The following OLFM4 variants were observed in gnomAD, a reference collection of about 807,000 sequenced individuals.
OLFM4 encodes the protein olfactomedin 4, also known as olfactomedin-4.
OLFM4 carries 22 observed loss-of-function variants against 25.5 expected under a neutral mutation model. The observed-to-expected ratio is 0.86, with a 90% CI of 0.62 to 1.23. The LOEUF is 1.23. Among genes scored for constraint, OLFM4 ranks in the 50% most tolerant of loss-of-function variants. The probability of loss-of-function intolerance (pLI) is 0.00; values close to 1 mark genes in which losing one functional copy is unlikely to be tolerated. For synonymous variants in OLFM4, 255 were observed against 237.7 expected, an observed-to-expected ratio of 1.07 and a Z score of -0.67; for missense variants, 594 against 619.4, an observed-to-expected ratio of 0.96 and a Z score of 0.44.
At chr13:53,041,367 A>G (rs1954685884) in intron 2 of OLFM4, among the ~76,000 whole-genome samples, 2 of 152,204 alleles carry the variant, frequency 1.3e-5, no homozygotes, top group Admixed American at 1.3e-4. Flanking sequence ...GCAAATTAAC[A>G]CAAGAACAGA....
chr13:53,040,841 C>T (rs868230334), intron 2 of OLFM4, among the ~76,000 whole-genome samples: 1 of 152,046 alleles, frequency 6.6e-6, no homozygotes, highest in African/African-American at 2.4e-5. Flanking sequence ...GAGTTAATGT[C>T]TTCAAACATT....
intron 1 of OLFM4, among the ~76,000 whole-genome samples, chr13:53,034,144 C>T (rs1333638941): frequency 6.6e-6 from 1 of 151,530 alleles, no homozygotes; most frequent in African/African-American, 2.4e-5. Context: ...TTCGTACAAC[C>T]AGTGGCGATG....
At position 53,034,009 on chromosome 13, in the gene OLFM4, A is replaced by T. The variant is rs1430552910; in HGVS notation, c.205-339A>T. On this transcript the variant is annotated intron_variant, in intron 1 of 4. Transcript: ENST00000219022. ...GAGCCGGAGCTTGCAGTGAGCCGAGATCGCGCCACTGCACTCCAGCCTGGG... is the reference window on the plus strand; with the variant it reads ...GAGCCGGAGCTTGCAGTGAGCCGAGTTCGCGCCACTGCACTCCAGCCTGGG... Among the ~76,000 whole-genome samples the T allele has an allele frequency of 4.8e-5, 7 of 146,494 alleles. 1 individual carries two copies. The South Asian group carries it at 8.7e-4, about 18-fold the overall frequency.
chr13:53,037,382 G>A (rs1593478966), intron 2 of OLFM4, among the ~76,000 whole-genome samples: 1 of 152,154 alleles, frequency 6.6e-6, no homozygotes, highest in African/African-American at 2.4e-5. Flanking sequence ...CCTCATGCAC[G>A]GGAAGGTTGA....
At position 53,043,217 on chromosome 13, in the gene OLFM4, C is replaced by A. The variant is rs764773781; in HGVS notation, c.683C>A (p.Ala228Asp). 6.2e-7 allele frequency: 1 copy of A among 1,612,382 alleles called. No homozygotes were observed. The highest frequency in any genetic ancestry group is 8.5e-7 in the Non-Finnish European group (1 of 1,179,404). ...ALKTKLKECEASKDQNTPVVH... is the reference protein window; with the variant it reads ...ALKTKLKECEDSKDQNTPVVH... ...AAGACCAAGCTGAAAGAGTGTGAGG[C>A]CTCTAAAGATCAAAACACCCCTGTC... Residue 228 changes from alanine to aspartate, a missense_variant, in exon 4 of 5, where the codon GCC becomes GAC. Ala to Asp is a moderately radical substitution (Grantham distance 126). Coordinates refer to ENST00000219022, the MANE Select transcript of OLFM4 (RefSeq NM_006418.5).
chr13:53,034,312 G>C (rs1320010496), intron 1 of OLFM4, 36 bp from the exon 2 acceptor site: 1 of 1,601,698 alleles, frequency 6.2e-7, no homozygotes, highest in Non-Finnish European at 8.5e-7. Context: ...TCAGATTCCA[G>C]CTTGTTATTG....
At chr13:53,029,846 G>T (rs1400128934) in intron 1 of OLFM4, among the ~76,000 whole-genome samples, 2 of 152,216 alleles carry the variant, frequency 1.3e-5, no homozygotes, top group Admixed American at 1.3e-4. Flanking sequence ...TTCCGTGGGG[G>T]ATGAGTCCTC....
In OLFM4 at chr13:53,034,381, C is replaced by T. The variant is rs1954646534; in HGVS notation, c.238C>T (p.Arg80Cys). 2 of 1,613,806 alleles carry T rather than the reference C, an allele frequency of 1.2e-6. No individual in the cohort carries two copies. Among genetic ancestry groups the T allele is most frequent in the Non-Finnish European group, 1.7e-6 (2 of 1,179,936 alleles). ...FSNFTGSVDD[R>C]GTCQCSVSLP... ...CAATTTCACCGGCTCCGTGGATGAC[C>T]GTGGGACCTGCCAGTGCTCTGTTTC... The change falls in exon 2 of 5, where the codon CGT (arginine) becomes TGT (cysteine). Residue 80 changes from arginine (R) to cysteine (C), a missense_variant. Physicochemically the swap from Arg to Cys is radical, Grantham distance 180. Transcript: ENST00000219022.
intron 1 of OLFM4, among the ~76,000 whole-genome samples, chr13:53,032,056 C>CATGACCATTT (rs1208046378): frequency 6.6e-6 from 1 of 152,190 alleles, no homozygotes; most frequent in African/African-American, 2.4e-5. Context: ...GCATGCTGGG[C>CATGACCATTT]TGATGATAAG....
chr13:53,029,080 C>G, intron 1 of OLFM4, 40 bp downstream of exon 1: 1 of 1,608,338 alleles, frequency 6.2e-7, no homozygotes, highest in Non-Finnish European at 8.5e-7. Context: ...GCATTCATTC[C>G]CTTCCATTTG....
intron 4 of OLFM4, 66 bp downstream of exon 4, chr13:53,043,330 A>C (rs1954697947): frequency 7.6e-7 from 1 of 1,314,662 alleles, no homozygotes; most frequent in Non-Finnish European, 1.0e-6. Flanking sequence ...TGGGGTGGGG[A>C]AGGGATTGGG....
chr13:53,032,321 C>T (rs757367128), intron 1 of OLFM4, among the ~76,000 whole-genome samples: 1 of 151,586 alleles, frequency 6.6e-6, no homozygotes, highest in Non-Finnish European at 1.5e-5. Flanking sequence ...ATTAAACTCC[C>T]CTTGTTAAAA....
intron 4 of OLFM4, among the ~76,000 whole-genome samples, chr13:53,046,765 T>C (rs763805382): frequency 1.5e-4 from 23 of 152,218 alleles, no homozygotes; most frequent in Admixed American, 2.0e-4. Flanking sequence ...GTCTTCTCTG[T>C]ATTTTTCGTA....
In OLFM4 at chr13:53,051,200, A is replaced by C. The variant is rs934834627; in HGVS notation, c.*429A>C. 1.9e-5 allele frequency: 3 copies of C among 156,144 alleles called. No individual in the cohort carries two copies. Among genetic ancestry groups the C allele is most frequent in the African/African-American group, 7.2e-5 (3 of 41,552 alleles). The allele number at this position is 156,144 out of a possible 1,614,324, so 9.7% of individuals were successfully genotyped here. ...TTCCATGCCTGGAAGAAACCTGGGGACTTAGTTAGGTAGATTAATATCTGG... is the reference window on the plus strand; with the variant it reads ...TTCCATGCCTGGAAGAAACCTGGGGCCTTAGTTAGGTAGATTAATATCTGG... On this transcript the variant is annotated 3_prime_UTR_variant, in exon 5 of 5. Transcript: ENST00000219022.
At chr13:53,030,365 C>T (rs148990938) in intron 1 of OLFM4, among the ~76,000 whole-genome samples, 8 of 152,246 alleles carry the variant, frequency 5.3e-5, no homozygotes, top group East Asian at 1.9e-4. Flanking sequence ...TGCAGTGGCA[C>T]GATCTCGGCT....
Position 53,043,121 on chromosome 13 carries a change from T to C in OLFM4, c.587T>C (p.Leu196Pro), listed in dbSNP as rs1383515425. Residue 196 changes from leucine to proline, a missense_variant, in exon 4 of 5, where the codon CTC becomes CCC. By Grantham distance (98) the Leu-to-Pro change is moderately conservative. Coordinates refer to ENST00000219022, the MANE Select transcript of OLFM4 (RefSeq NM_006418.5). ...TTTCCTTAGATAAGAAATATGACTC[T>C]CTTGGTAGAGAAGCTTGAGACACTA... is the stretch of plus-strand genomic sequence containing the variant. ...QLEVEIRNMTLLVEKLETLDK... is the reference protein window; with the variant it reads ...QLEVEIRNMTPLVEKLETLDK... The C allele has an allele frequency of 2.5e-6, 4 of 1,604,506 alleles. No individual in the cohort carries two copies. The Admixed American group carries it at 5.2e-5, about 21-fold the overall frequency.
chr13:53,032,563 A>C (rs1274954574), intron 1 of OLFM4, among the ~76,000 whole-genome samples: 1 of 151,894 alleles, frequency 6.6e-6, no homozygotes, highest in Non-Finnish European at 1.5e-5. Flanking sequence ...TCCCCTATTC[A>C]AACCCTGCTG....
intron 3 of OLFM4, among the ~76,000 whole-genome samples, chr13:53,042,841 T>C (rs2138238289): frequency 6.6e-6 from 1 of 152,288 alleles, no homozygotes; most frequent in East Asian, 1.9e-4. Context: ...TTAATGGACA[T>C]TTGTGGATGC....
chr13:53,043,683 C>T (rs1221274359), intron 4 of OLFM4, among the ~76,000 whole-genome samples: 1 of 151,872 alleles, frequency 6.6e-6, no homozygotes, highest in Non-Finnish European at 1.5e-5. Flanking sequence ...TGGGTTTATG[C>T]CTTTGATGCT....
Sources: allele counts gnomAD v4.1 joint callset (sites outside exome capture counted in the v4.1 genomes callset), GRCh38; gene constraint gnomAD v4.1.1; transcripts MANE v1.5; gene names NCBI Gene and HGNC (gene_info 2026-07-23, HGNC 2026-07-21).